NR3C2: variants seen among roughly 807,000 people sequenced by gnomAD.
The protein encoded by NR3C2 is mineralocorticoid receptor.
NR3C2 carries 15 observed loss-of-function variants against 86.4 expected under a neutral mutation model. That is an observed-to-expected ratio of 0.17 (90% CI 0.12 to 0.27). The LOEUF is 0.27. NR3C2 is among the 10% of genes least tolerant of loss of function. The probability of loss-of-function intolerance (pLI) is 1.00; values close to 1 mark genes in which losing one functional copy is unlikely to be tolerated. For missense variants in NR3C2, 960 were observed against 1,195.6 expected (o/e 0.80, Z 2.91); for synonymous variants, 458 against 450.5 (o/e 1.02, Z -0.21).
Position 148,353,240 on chromosome 4 carries a change from GTTAAA to G in NR3C2, c.1757+81859_1757+81863del, listed in dbSNP as rs371268697. 6.6e-4 allele frequency among the ~76,000 whole-genome samples: 101 copies of G among 152,072 alleles called. No individual in the cohort carries two copies. The East Asian group carries it at 0.015, about 23-fold the overall frequency. On this transcript the variant is annotated intron_variant, in intron 2 of 8. Coordinates refer to ENST00000358102, the MANE Select transcript of NR3C2 (RefSeq NM_000901.5). ...GAAGGCTTATAATTAAAACCCTACA[GTTAAA>G]TTAATTTCAAAAACCCTGATAAAAT... is the stretch of plus-strand genomic sequence containing the variant.
chr4:148,350,138 G>A (rs1016392469), intron 2 of NR3C2, among the ~76,000 whole-genome samples: 2 of 152,128 alleles, frequency 1.3e-5, no homozygotes, highest in African/African-American at 4.8e-5. Context: ...GGGAATTCCG[G>A]CATATCTCCA....
At chr4:148,250,060 A>G (rs1483856176) in intron 3 of NR3C2, among the ~76,000 whole-genome samples, 1 of 152,278 alleles carries the variant, frequency 6.6e-6, no homozygotes, top group East Asian at 1.9e-4. Context: ...TTTGCCTCAG[A>G]ACAGTGCCGA....
intron 4 of NR3C2, 117 bp from the exon 5 acceptor site, chr4:148,155,018 G>T: frequency 2.4e-6 from 2 of 822,986 alleles, no homozygotes; most frequent in South Asian, 2.9e-5. Flanking sequence ...ATAGGAACAT[G>T]ACCGTTTATT....
chr4:148,420,273 C>T (rs1749217313), intron 2 of NR3C2, among the ~76,000 whole-genome samples: 1 of 152,160 alleles, frequency 6.6e-6, no homozygotes, highest in African/African-American at 2.4e-5. Flanking sequence ...TAGGATGACA[C>T]CATTCGAAAC....
At chr4:148,198,112 A>C (rs1186758938) in intron 3 of NR3C2, among the ~76,000 whole-genome samples, 1 of 152,156 alleles carries the variant, frequency 6.6e-6, no homozygotes, top group Non-Finnish European at 1.5e-5. Flanking sequence ...GGAAGACCAG[A>C]TGAACTAAAT....
chr4:148,400,300 T>A (rs897018917), intron 2 of NR3C2, among the ~76,000 whole-genome samples: 14 of 152,208 alleles, frequency 9.2e-5, no homozygotes, highest in African/African-American at 3.4e-4. Context: ...CTAGACTGCC[T>A]TCTACTTACA....
At chr4:148,226,118 T>C (rs1390417038) in intron 3 of NR3C2, among the ~76,000 whole-genome samples, 1 of 152,196 alleles carries the variant, frequency 6.6e-6, no homozygotes, top group African/African-American at 2.4e-5. Flanking sequence ...CACATGAATG[T>C]TAACACCTCA....
At chr4:148,221,879 G>A (rs549249955) in intron 3 of NR3C2, among the ~76,000 whole-genome samples, 37 of 130,704 alleles carry the variant, frequency 2.8e-4, no homozygotes, top group Non-Finnish European at 4.7e-4. Context: ...GGGTGACAGA[G>A]CAAGACTCTG....
At chr4:148,236,053 T>C (rs1738735153) in intron 3 of NR3C2, among the ~76,000 whole-genome samples, 1 of 152,218 alleles carries the variant, frequency 6.6e-6, no homozygotes, top group Non-Finnish European at 1.5e-5. Flanking sequence ...GCTAGGCCAG[T>C]GCAGCTCCAG....
intron 2 of NR3C2, among the ~76,000 whole-genome samples, chr4:148,333,895 C>T (rs527937241): frequency 2.1e-4 from 32 of 152,270 alleles, no homozygotes; most frequent in Admixed American, 9.8e-4. Flanking sequence ...TTTCTTAAAA[C>T]TAGCTTGGAA....
At chr4:148,376,969 T>C (rs1746710978) in intron 2 of NR3C2, among the ~76,000 whole-genome samples, 2 of 152,230 alleles carry the variant, frequency 1.3e-5, no homozygotes, top group Non-Finnish European at 2.9e-5. Flanking sequence ...AAATTAAGTA[T>C]ACTAATATTT....
intron 2 of NR3C2, among the ~76,000 whole-genome samples, chr4:148,378,229 T>C (rs1383278225): frequency 6.6e-6 from 1 of 152,104 alleles, no homozygotes; most frequent in East Asian, 1.9e-4. Context: ...ATTCATCCCC[T>C]TCAGACTAGC....
intron 4 of NR3C2, among the ~76,000 whole-genome samples, chr4:148,186,860 G>A (rs755754687): frequency 1.9e-4 from 29 of 150,588 alleles, no homozygotes; most frequent in Admixed American, 3.3e-4. Flanking sequence ...GACAACATAC[G>A]ATGTTTGGTT....
Position 148,332,291 on chromosome 4 carries a change from T to C in NR3C2, c.1758-72174A>G, listed in dbSNP as rs930062504. On this transcript the variant is annotated intron_variant, in intron 2 of 8. Transcript: ENST00000358102. ...ATAATAACTACATCACTTTTTTGCCTGAGATTATAGTACTTATAATGATCA... is the reference window on the plus strand; with the variant it reads ...ATAATAACTACATCACTTTTTTGCCCGAGATTATAGTACTTATAATGATCA... 3.9e-5 allele frequency among the ~76,000 whole-genome samples: 6 copies of C among 152,310 alleles called. No individual in the cohort carries two copies. The East Asian group carries it at 1.2e-3, about 29-fold the overall frequency.
chr4:148,312,997 T>C (rs1297254692), intron 2 of NR3C2, among the ~76,000 whole-genome samples: 2 of 152,106 alleles, frequency 1.3e-5, no homozygotes, highest in Admixed American at 1.3e-4. Context: ...TCACAACAAA[T>C]AAAATTAACA....
intron 6 of NR3C2, among the ~76,000 whole-genome samples, chr4:148,125,596 A>T (rs143926064): frequency 1.3e-5 from 2 of 152,188 alleles, no homozygotes; most frequent in East Asian, 3.9e-4. Flanking sequence ...TTTTTTTTTA[A>T]ATGCAGAATT....
intron 8 of NR3C2, among the ~76,000 whole-genome samples, chr4:148,082,313 A>C (rs1436214626): frequency 1.3e-5 from 2 of 152,212 alleles, no homozygotes; most frequent in Non-Finnish European, 2.9e-5. Flanking sequence ...TGCAGTTCCC[A>C]GTGAGATCAA....
At chr4:148,140,434 T>A (rs1019964413) in intron 6 of NR3C2, among the ~76,000 whole-genome samples, 6 of 152,252 alleles carry the variant, frequency 3.9e-5, no homozygotes, top group African/African-American at 7.2e-5. Context: ...CTTGAGAGGT[T>A]GAGGCAGGAG....
chr4:148,217,077 A>G (rs1450103930), intron 3 of NR3C2, among the ~76,000 whole-genome samples: 2 of 152,218 alleles, frequency 1.3e-5, no homozygotes, highest in African/African-American at 2.4e-5. Context: ...ACACTTAAGA[A>G]CTTTATATAG....
Sources: allele counts gnomAD v4.1 joint callset (sites outside exome capture counted in the v4.1 genomes callset), GRCh38; gene constraint gnomAD v4.1.1; transcripts MANE v1.5; gene names NCBI Gene and HGNC (gene_info 2026-07-23, HGNC 2026-07-21).